ADA2: variants seen among roughly 807,000 people sequenced by gnomAD.
ADA2 encodes adenosine deaminase CECR1.
A neutral mutation model predicts 44.2 loss-of-function variants in ADA2; 29 were observed. The observed-to-expected ratio is 0.66, with a 90% CI of 0.49 to 0.89. ADA2 has a LOEUF of 0.89. Among genes scored for constraint, ADA2 ranks in the 40% least tolerant of loss-of-function variants. The pLI is 0.00. For missense variants in ADA2, 637 were observed against 644.8 expected, an observed-to-expected ratio of 0.99 and a Z score of 0.13; for synonymous variants, 215 against 234.9, an observed-to-expected ratio of 0.92 and a Z score of 0.77.
intron 4 of ADA2, chr22:17,199,929 T>A: frequency 2.9e-6 from 1 of 347,078 alleles, no homozygotes; most frequent in Non-Finnish European, 5.1e-6. Context: ...GCGCGGTGGC[T>A]CACGCCTGTA....
intron 5 of ADA2, 28 bp downstream of exon 5, chr22:17,191,655 C>A: frequency 6.2e-7 from 1 of 1,610,224 alleles, no homozygotes; most frequent in Non-Finnish European, 8.5e-7. Context: ...CCTCCCAACC[C>A]GAGCTTTTCA....
chr22:17,191,597 G>C, intron 5 of ADA2, 86 bp downstream of exon 5: 240 of 1,031,090 alleles, frequency 2.3e-4, no homozygotes, highest in Middle Eastern at 7.1e-4. Flanking sequence ...TCCCAGCCCC[G>C]CTTCTCACCC....
At chr22:17,209,860 T>C in intron 1 of ADA2, 137 bp from the exon 2 acceptor site, 1 of 598,900 alleles carries the variant, frequency 1.7e-6, no homozygotes, top group South Asian at 2.1e-5. Flanking sequence ...AGAAAAGACC[T>C]ACAGGTACAG....
At chr22:17,219,956 G>T (rs746902167), upstream of ADA2, among the ~76,000 whole-genome samples, 6 of 152,114 alleles carry the variant, frequency 3.9e-5, no homozygotes, top group Admixed American at 2.6e-4. Context: ...AATTACAGGC[G>T]TGAGCCACCA....
In ADA2 at chr22:17,207,131, T is replaced by A; in HGVS notation, c.482A>T (p.Lys161Met). Residue 161 changes from lysine (K) to methionine (M), a missense_variant, in exon 3 of 10, where the codon AAG becomes ATG. By Grantham distance (95) the Lys-to-Met change is moderately conservative (BLOSUM62 -1). Transcript: ENST00000399837. ...CCGATAATCCTCCAGCAGAATCCAC[T>A]TGGAACATTTTTCTGATGGACGGGG... ...PTPRPSEKCS[K>M]WILLEDYRKR... The A allele has an allele frequency of 1.2e-6, 2 of 1,614,218 alleles. No homozygotes were observed. Among genetic ancestry groups the A allele is most frequent in the Non-Finnish European group, 1.7e-6 (2 of 1,180,036 alleles).
rs774795047 is a variant in ADA2, at chr22:17,181,576, C to A, written c.1443G>T (p.Lys481Asn). 5 of 1,605,990 alleles carry A rather than the reference C, an allele frequency of 3.1e-6. No individual in the cohort carries two copies. In the Admixed American group the frequency reaches 5.0e-5, roughly 16 times the overall value. ...TLKQLAMNSI[K>N]YSTLLESEKN... Reference sequence around the variant, plus strand: ...TCTCACTCTCCAACAGGGTACTGTACCTGCAGGAAGAGGAGGAGCCCAGGT... The same window carrying A: ...TCTCACTCTCCAACAGGGTACTGTAACTGCAGGAAGAGGAGGAGCCCAGGT... Residue 481 changes from lysine to asparagine, a missense_variant and splice_region_variant, in exon 10 of 10, where the codon AAG (lysine) becomes AAT (asparagine). Lys to Asn is a moderately conservative substitution (Grantham distance 94). Coordinates refer to ENST00000399837, the MANE Select transcript of ADA2 (RefSeq NM_001282225.2).
intron 4 of ADA2, among the ~76,000 whole-genome samples, chr22:17,195,204 C>T (rs1275828337): frequency 1.3e-5 from 2 of 152,180 alleles, no homozygotes; most frequent in Non-Finnish European, 2.9e-5. Flanking sequence ...TCAAGGAAGG[C>T]CTGCATCTAT....
At chr22:17,218,297 A>G (rs1024802000) in intron 1 of ADA2, among the ~76,000 whole-genome samples, 2 of 152,228 alleles carry the variant, frequency 1.3e-5, no homozygotes, top group Non-Finnish European at 2.9e-5. Context: ...GATTCTTCCC[A>G]GCTCAGTTAT....
At chr22:17,219,742 T>G (rs531166999), upstream of ADA2, among the ~76,000 whole-genome samples, 9 of 137,020 alleles carry the variant, frequency 6.6e-5, no homozygotes, top group South Asian at 2.1e-3. Flanking sequence ...TGGCGCAATC[T>G]CAGCTCACTG....
At chr22:17,193,210 G>A (rs529861892) in intron 4 of ADA2, 29 of 1,209,454 alleles carry the variant, frequency 2.4e-5, no homozygotes, top group Admixed American at 1.4e-4. Flanking sequence ...CGCTCACAAC[G>A]TTTCCTCTAA....
chr22:17,182,750 T>G lies in ADA2; in HGVS notation c.1093A>C (p.Thr365Pro), dbSNP rs1244008658. Residue 365 changes from threonine to proline, a missense_variant, in exon 8 of 10, where the codon ACT becomes CCT. By Grantham distance (38) the Thr-to-Pro change is conservative. Coordinates refer to ENST00000399837, the MANE Select transcript of ADA2 (RefSeq NM_001282225.2). The part of the protein sequence containing the change: ...FHAGETDWQG[T>P]SIDRNILDAL... ...TCCAGAATGTTCCTGTCTATGGAAG[T>G]ACCCTGCCAGTCTGAACACACGGGA... 6.2e-7 allele frequency: 1 copy of G among 1,613,358 alleles called. No individual in the cohort carries two copies. Among genetic ancestry groups the G allele is most frequent in the African/African-American group, 1.3e-5 (1 of 75,028 alleles).
intron 5 of ADA2, 46 bp from the exon 6 acceptor site, chr22:17,190,078 A>T: frequency 6.9e-7 from 1 of 1,443,860 alleles, no homozygotes; most frequent in Non-Finnish European, 9.7e-7. Context: ...CAGCACCGAC[A>T]GAGCACAAAC....
At chr22:17,192,153 T>C (rs1321867254) in intron 4 of ADA2, among the ~76,000 whole-genome samples, 1 of 152,164 alleles carries the variant, frequency 6.6e-6, no homozygotes, top group Non-Finnish European at 1.5e-5. Flanking sequence ...GTTCAGGTCC[T>C]CTACGGCCTT....
At chr22:17,187,967 G>T (rs1367753039) in intron 7 of ADA2, among the ~76,000 whole-genome samples, 1 of 149,788 alleles carries the variant, frequency 6.7e-6, no homozygotes, top group Non-Finnish European at 1.5e-5. Flanking sequence ...AGCCAGGCGT[G>T]GTGGCAGGTG....
chr22:17,201,336 G>A (rs1225513198), intron 4 of ADA2, among the ~76,000 whole-genome samples: 1 of 152,176 alleles, frequency 6.6e-6, no homozygotes, highest in African/African-American at 2.4e-5. Context: ...TTTGTTCAGT[G>A]TGTATTGATC....
chr22:17,196,079 G>T (rs2062186937), intron 4 of ADA2, among the ~76,000 whole-genome samples: 2 of 151,788 alleles, frequency 1.3e-5, no homozygotes, highest in Non-Finnish European at 2.9e-5. Flanking sequence ...GGGTGCAATA[G>T]CTCACACCTG....
chr22:17,189,019 CTTTT>C (rs71200243), intron 6 of ADA2, among the ~76,000 whole-genome samples: 8 of 102,940 alleles, frequency 7.8e-5, no homozygotes, highest in South Asian at 3.7e-4. Context: ...AATCTAGATT[CTTTT>C]TTTTTTTTTT....
upstream of ADA2, among the ~76,000 whole-genome samples, chr22:17,220,940 G>A (rs1052965035): frequency 1.3e-5 from 2 of 152,064 alleles, no homozygotes; most frequent in African/African-American, 2.4e-5. Context: ...TTGGGAGGCC[G>A]AGGCAGGTGG....
chr22:17,179,285 A>G lies in ADA2; in HGVS notation c.*2198T>C, dbSNP rs2061942607. Reference sequence around the variant, plus strand: ...CCTCTGCCTTGGCAGCTGGCTGAACAGACACAGTGACAGCCACTCATTCAA... The same window carrying G: ...CCTCTGCCTTGGCAGCTGGCTGAACGGACACAGTGACAGCCACTCATTCAA... On this transcript the variant is annotated 3_prime_UTR_variant, in exon 10 of 10. Transcript: ENST00000399837. 2 of 152,244 alleles carry G rather than the reference A, an allele frequency of 1.3e-5. No homozygotes were observed. Among genetic ancestry groups the G allele is most frequent in the Admixed American group, 6.5e-5 (1 of 15,274 alleles). The allele number at this position is 152,244 out of a possible 1,614,324, so 9.4% of individuals were successfully genotyped here. A position where few individuals can be genotyped will look rare whatever the true frequency, so the allele number is the denominator to read the frequency against.
Sources: gnomAD v4.1 joint callset for allele counts (sites outside exome capture counted in the v4.1 genomes callset) on GRCh38, gnomAD v4.1.1 for gene constraint, MANE v1.5 for transcripts, NCBI Gene and HGNC (gene_info 2026-07-23, HGNC 2026-07-21) for gene names.